The following CASP4 variants were observed in gnomAD, a reference collection of about 807,000 sequenced individuals.
CASP4 encodes caspase 4, also known as caspase-4.
CASP4 carries 29 observed loss-of-function variants against 41.3 expected under a neutral mutation model. The ratio of observed to expected loss-of-function variants is 0.70; its 90% CI spans 0.52 to 0.96. The LOEUF is 0.96. CASP4 is among the 40% of genes least tolerant of loss of function. The probability of loss-of-function intolerance (pLI) is 0.00; values close to 1 mark genes in which losing one functional copy is unlikely to be tolerated. For missense variants in CASP4, 447 were observed against 460.6 expected, an observed-to-expected ratio of 0.97 and a Z score of 0.27; for synonymous variants, 185 against 158.4, an observed-to-expected ratio of 1.17 and a Z score of -1.26.
intron 2 of CASP4, among the ~76,000 whole-genome samples, chr11:104,953,154 A>T (rs1484507177): frequency 2.0e-5 from 3 of 152,154 alleles, no homozygotes; most frequent in Non-Finnish European, 2.9e-5. Flanking sequence ...TTTCATTAGA[A>T]GATAGTACAT....
At chr11:104,961,029 CTG>C (rs1406606438) in intron 1 of CASP4, among the ~76,000 whole-genome samples, 1 of 152,188 alleles carries the variant, frequency 6.6e-6, no homozygotes, top group Non-Finnish European at 1.5e-5. Flanking sequence ...AAAATTATAA[CTG>C]AGGAAATTAC....
intron 7 of CASP4, chr11:104,946,802 A>G (rs1860472166): frequency 4.9e-6 from 1 of 206,026 alleles, no homozygotes; most frequent in East Asian, 1.2e-4. Context: ...AAATTAAGAA[A>G]TAAAAATTAT....
At chr11:104,955,436 C>G (rs1355457566) in intron 1 of CASP4, among the ~76,000 whole-genome samples, 1 of 151,964 alleles carries the variant, frequency 6.6e-6, no homozygotes, top group East Asian at 1.9e-4. Flanking sequence ...ATGATTTTTA[C>G]TCTTTTCTGT....
chr11:104,964,001 TTCTG>T (rs938834024), intron 1 of CASP4, among the ~76,000 whole-genome samples: 5 of 152,230 alleles, frequency 3.3e-5, no homozygotes, highest in African/African-American at 9.6e-5. Flanking sequence ...GTGCTGAATT[TTCTG>T]TCTGTCTGTG....
intron 4 of CASP4, 146 bp downstream of exon 4, chr11:104,950,779 T>C (rs1289035111): frequency 1.9e-6 from 1 of 519,228 alleles, no homozygotes; most frequent in Non-Finnish European, 3.2e-6. Flanking sequence ...TTTACCAGTC[T>C]AGTACTCTTA....
Position 104,942,968 on chromosome 11 carries a change from GGCTTCCT to G in CASP4, c.*6-2_*10del. ...GATTAAGGAGGGCTGGGCTGCTTGTGGCTTCCTGCAGGGGAGAGAAAAAACAGAAGGT... is the reference window on the plus strand; with the variant it reads ...GATTAAGGAGGGCTGGGCTGCTTGTGGCAGGGGAGAGAAAAAACAGAAGGT... On this transcript the variant is annotated splice_acceptor_variant and 3_prime_UTR_variant, in exon 9 of 9. Transcript: ENST00000444739. LOFTEE classifies it low-confidence loss of function (3UTR_SPLICE). 2.2e-6 allele frequency: 1 copy of G among 455,388 alleles called. No individual in the cohort carries two copies. Among genetic ancestry groups the G allele is most frequent in the Non-Finnish European group, 4.4e-6 (1 of 226,902 alleles). 28.2% of individuals were successfully genotyped at this position (455,388 alleles called of 1,614,324 possible). A position where few individuals can be genotyped will look rare whatever the true frequency, so the allele number is the denominator to read the frequency against.
chr11:104,949,572 T>G lies in CASP4; in HGVS notation c.752A>C (p.Lys251Thr). 1 of 1,613,910 alleles carries G rather than the reference T, an allele frequency of 6.2e-7. No individual in the cohort carries two copies. The highest frequency in any genetic ancestry group is 8.5e-7 in the Non-Finnish European group (1 of 1,179,842). The change falls in exon 5 of 9, where the codon AAG (lysine) becomes ACG (threonine). Residue 251 changes from lysine (K) to threonine (T), a missense_variant. Transcript: ENST00000444739. ...TCTGCAGGCCTGGACAATGATGACCTTGGGTTTGTCCTTCAGACTGAGGCA... is the reference window on the plus strand; with the variant it reads ...TCTGCAGGCCTGGACAATGATGACCGTGGGTTTGTCCTTCAGACTGAGGCA... ...RNCLSLKDKPKVIIVQACRGA... is the reference protein window; with the variant it reads ...RNCLSLKDKPTVIIVQACRGA...
rs1555069939 is a variant in CASP4, at chr11:104,948,837, C to CA, written c.782-162_782-161insT. 22 of 458,558 alleles carry CA rather than the reference C, an allele frequency of 4.8e-5. 1 individual carries two copies. The highest frequency in any genetic ancestry group is 4.1e-4 in the African/African-American group (20 of 49,220). The allele number at this position is 458,558 out of a possible 1,614,324, so 28.4% of individuals were successfully genotyped here. ...AGAGAGAGACACACACACACACACACCACTTTTCTTTCTCTCCAGTGTCAT... is the reference window on the plus strand; with the variant it reads ...AGAGAGAGACACACACACACACACACACACTTTTCTTTCTCTCCAGTGTCAT... On this transcript the variant is annotated intron_variant, in intron 5 of 8. Coordinates refer to ENST00000444739, the MANE Select transcript of CASP4 (RefSeq NM_001225.4).
Position 104,964,703 on chromosome 11 carries a change from G to A in CASP4, c.7+3816C>T, listed in dbSNP as rs181640829. 2.9e-3 allele frequency among the ~76,000 whole-genome samples: 445 copies of A among 152,258 alleles called. 3 individuals are homozygous for A. The highest frequency in any genetic ancestry group is 3.4e-3 in the Non-Finnish European group (229 of 68,026). ...CACAGAGTCCTTGTACAAGGTTCTT[G>A]ATCTGTAGTAAGTAAAGAATATCAC... On this transcript the variant is annotated intron_variant, in intron 1 of 8. Coordinates refer to ENST00000444739, the MANE Select transcript of CASP4 (RefSeq NM_001225.4).
intron 2 of CASP4, among the ~76,000 whole-genome samples, chr11:104,953,451 A>G (rs56396747): frequency 7.2e-5 from 11 of 152,162 alleles, no homozygotes; most frequent in African/African-American, 2.7e-4. Flanking sequence ...TAGTTGCACT[A>G]TCACTGACTT....
At chr11:104,961,555 G>A (rs753762158) in intron 1 of CASP4, among the ~76,000 whole-genome samples, 11 of 152,148 alleles carry the variant, frequency 7.2e-5, no homozygotes, top group East Asian at 1.9e-4. Flanking sequence ...GCTCCACCAC[G>A]GGGTATCTGT....
chr11:104,961,974 G>A (rs1387574455), intron 1 of CASP4, among the ~76,000 whole-genome samples: 1 of 152,164 alleles, frequency 6.6e-6, no homozygotes, highest in Non-Finnish European at 1.5e-5. Context: ...GTGGATCAAA[G>A]ACAACAGGGA....
Position 104,947,142 on chromosome 11 carries a change from G to C in CASP4, c.976C>G (p.Leu326Val), listed in dbSNP as rs1421096493. ...STMGSIFITQ[L>V]ITCFQKYSWC... ...GAATATTTCTGGAAGCATGTGATGA[G>C]TTGTGTGATGAAGATAGAGCCCATT... The change falls in exon 7 of 9, where the codon CTC (leucine) becomes GTC (valine). Residue 326 changes from leucine (L) to valine (V), a missense_variant. Coordinates refer to ENST00000444739, the MANE Select transcript of CASP4 (RefSeq NM_001225.4). 6.2e-7 allele frequency: 1 copy of C among 1,613,142 alleles called. No individual in the cohort carries two copies. The highest frequency in any genetic ancestry group is 8.5e-7 in the Non-Finnish European group (1 of 1,179,280).
chr11:104,955,968 G>A (rs1442003059), intron 1 of CASP4, among the ~76,000 whole-genome samples: 2 of 152,080 alleles, frequency 1.3e-5, no homozygotes, highest in Non-Finnish European at 2.9e-5. Context: ...CAGCCTCATT[G>A]TCTGGGTTAT....
intron 3 of CASP4, chr11:104,951,684 C>T: frequency 1.7e-6 from 1 of 582,940 alleles, no homozygotes; most frequent in East Asian, 2.9e-5. Flanking sequence ...TACCAATTTT[C>T]TTTCAACTCA....
At chr11:104,944,944 G>A (rs188255699) in intron 7 of CASP4, 93 bp from the exon 8 acceptor site, 1 of 862,434 alleles carries the variant, frequency 1.2e-6, no homozygotes, top group Non-Finnish European at 1.9e-6. Flanking sequence ...CTGGAATGAA[G>A]TGAGCTTGCA....
At chr11:104,956,431 C>T (rs541428184) in intron 1 of CASP4, among the ~76,000 whole-genome samples, 2 of 151,994 alleles carry the variant, frequency 1.3e-5, no homozygotes, top group African/African-American at 4.8e-5. Flanking sequence ...ACAAAAATTC[C>T]ATATAAAACA....
intron 1 of CASP4, among the ~76,000 whole-genome samples, chr11:104,965,758 A>AG (rs1188397431): frequency 6.6e-6 from 1 of 152,198 alleles, no homozygotes; most frequent in Non-Finnish European, 1.5e-5. Flanking sequence ...TTACAATGTA[A>AG]GGGACATGCA....
intron 5 of CASP4, chr11:104,948,928 T>C (rs1268703476): frequency 3.4e-6 from 1 of 292,370 alleles, no homozygotes; most frequent in Non-Finnish European, 6.3e-6. Flanking sequence ...AAAAATCTGT[T>C]TTCTTTTGAA....
Sources: allele counts gnomAD v4.1 joint callset (sites outside exome capture counted in the v4.1 genomes callset), GRCh38; gene constraint gnomAD v4.1.1; transcripts MANE v1.5; gene names NCBI Gene and HGNC (gene_info 2026-07-23, HGNC 2026-07-21).